The following FAR2 variants were observed in gnomAD, a reference collection of about 807,000 sequenced individuals.
FAR2 encodes the protein epididymis secretory protein Li 81.
Under a neutral mutation model 56.0 loss-of-function variants are expected in FAR2, and 19 were observed. That is an observed-to-expected ratio of 0.34 (90% CI 0.24 to 0.50). FAR2 has a LOEUF of 0.50. Ranked by LOEUF, FAR2 falls within the 20% of genes least tolerant of loss-of-function variation. The pLI is 0.98. For missense variants in FAR2, 508 were observed against 642.2 expected (o/e 0.79, Z 2.26); for synonymous variants, 219 against 218.8 (o/e 1.00, Z -0.01).
At position 29,257,643 on chromosome 12, in the gene FAR2, C is replaced by T. The variant is rs10771507; in HGVS notation, c.-38-12769C>T. On this transcript the variant is annotated intron_variant, in intron 1 of 11. Coordinates refer to ENST00000536681, the MANE Select transcript of FAR2 (RefSeq NM_001271783.2). ...GAAGCCAGCGAGACCACGAGCCCAC[C>T]GGGAGGAATGAACAACTCCAGACGC... is the stretch of plus-strand genomic sequence containing the variant. 4.6e-5 allele frequency among the ~76,000 whole-genome samples: 7 copies of T among 151,450 alleles called. No individual in the cohort carries two copies. The East Asian group carries it at 7.8e-4, about 17-fold the overall frequency.
At chr12:29,184,740 T>C (rs191351599) in intron 1 of FAR2, among the ~76,000 whole-genome samples, 10 of 152,270 alleles carry the variant, frequency 6.6e-5, no homozygotes, top group African/African-American at 2.4e-4. Context: ...CCCGGCCCCT[T>C]CATTCTTAAA....
intron 1 of FAR2, among the ~76,000 whole-genome samples, chr12:29,196,334 A>T (rs1950143417): frequency 6.6e-6 from 1 of 152,158 alleles, no homozygotes; most frequent in African/African-American, 2.4e-5. Flanking sequence ...TTTTCTCTGC[A>T]TCCTCACCAG....
intron 6 of FAR2, among the ~76,000 whole-genome samples, chr12:29,310,368 A>G (rs1181048538): frequency 6.6e-6 from 1 of 152,218 alleles, no homozygotes; most frequent in Admixed American, 6.5e-5. Flanking sequence ...AAGCACAAAG[A>G]ATCAATTTCA....
At chr12:29,331,525 C>G (rs1281293725) in intron 10 of FAR2, 1 of 152,110 alleles carries the variant, frequency 6.6e-6, no homozygotes, top group Non-Finnish European at 1.5e-5. Context: ...AGAGATGATA[C>G]CAGAATCTTC....
chr12:29,274,654 A>G (rs1948676345), intron 2 of FAR2, among the ~76,000 whole-genome samples: 1 of 151,870 alleles, frequency 6.6e-6, no homozygotes, highest in Non-Finnish European at 1.5e-5. Flanking sequence ...ATTCCACCAC[A>G]AAAGATGTGA....
chr12:29,286,850 G>A (rs1181962477), intron 2 of FAR2, among the ~76,000 whole-genome samples: 1 of 151,980 alleles, frequency 6.6e-6, no homozygotes, highest in Admixed American at 6.6e-5. Context: ...AATTCTCTGA[G>A]GTCACAGAAT....
intron 1 of FAR2, among the ~76,000 whole-genome samples, chr12:29,264,948 AAT>A (rs1775372391): frequency 6.6e-6 from 1 of 152,124 alleles, no homozygotes; most frequent in African/African-American, 2.4e-5. Flanking sequence ...TAAAAAATTA[AAT>A]ACCTACAAAT....
At chr12:29,226,625 A>G (rs1297858790) in intron 1 of FAR2, among the ~76,000 whole-genome samples, 1 of 152,184 alleles carries the variant, frequency 6.6e-6, no homozygotes, top group Non-Finnish European at 1.5e-5. Context: ...TGGGGTGGTC[A>G]TATATTTTAT....
At chr12:29,194,485 A>C (rs1369294563) in intron 1 of FAR2, among the ~76,000 whole-genome samples, 2 of 151,258 alleles carry the variant, frequency 1.3e-5, no homozygotes, top group Non-Finnish European at 2.9e-5. Flanking sequence ...ACAGACCTCC[A>C]TCCAAAATTT....
intron 10 of FAR2, among the ~76,000 whole-genome samples, chr12:29,329,110 C>T (rs1949693518): frequency 6.6e-6 from 1 of 152,064 alleles, no homozygotes; most frequent in Non-Finnish European, 1.5e-5. Context: ...AATCATTGCT[C>T]CCTCTCAAAG....
chr12:29,272,262 G>A (rs1269146226), intron 2 of FAR2, among the ~76,000 whole-genome samples: 1 of 152,044 alleles, frequency 6.6e-6, no homozygotes, highest in Non-Finnish European at 1.5e-5. Flanking sequence ...TCTCCTTCTG[G>A]TACTGCAATC....
At chr12:29,253,291 C>A (rs1425275248) in intron 1 of FAR2, among the ~76,000 whole-genome samples, 2 of 135,210 alleles carry the variant, frequency 1.5e-5, no homozygotes, top group African/African-American at 2.8e-5. Flanking sequence ...ATATCTATAT[C>A]TATCTAGATA....
chr12:29,323,206 G>A (rs1251995045), intron 10 of FAR2, among the ~76,000 whole-genome samples: 2 of 152,302 alleles, frequency 1.3e-5, no homozygotes, highest in South Asian at 2.1e-4. Flanking sequence ...GGGGAGGCAC[G>A]CCCGCCATTG....
Position 29,237,696 on chromosome 12 carries a change from C to A in FAR2, c.-38-32716C>A, listed in dbSNP as rs566306656. 5.9e-5 allele frequency among the ~76,000 whole-genome samples: 9 copies of A among 152,252 alleles called. No individual in the cohort carries two copies. In the South Asian group the frequency reaches 1.9e-3, roughly 32 times the overall value. ...CTATTGTTCAGATCTGGGTATTTGG[C>A]AGACATTTTCTCAAAATAAAGTATG... On this transcript the variant is annotated intron_variant, in intron 1 of 11. Transcript: ENST00000536681.
At position 29,331,173 on chromosome 12, in the gene FAR2, T is replaced by G. The variant is rs570875620; in HGVS notation, c.1258-1427T>G. ...GTAAGTTAAGAGTAACGAGCAACTT[T>G]CTTTCACTGTACGTGAAACTCTCCA... is the stretch of plus-strand genomic sequence containing the variant. On this transcript the variant is annotated intron_variant, in intron 10 of 11. Transcript: ENST00000536681. Among the ~76,000 whole-genome samples the G allele has an allele frequency of 1.8e-3, 273 of 151,912 alleles. 2 individuals are homozygous for G. The highest frequency in any genetic ancestry group is 6.4e-3 in the African/African-American group (266 of 41,446).
At chr12:29,302,820 A>G (rs934089823) in intron 4 of FAR2, among the ~76,000 whole-genome samples, 2 of 152,098 alleles carry the variant, frequency 1.3e-5, no homozygotes, top group Admixed American at 1.3e-4. Context: ...ACCCATTACC[A>G]GAGAGGAGTA....
At chr12:29,310,908 T>C in intron 6 of FAR2, 120 bp from the exon 7 acceptor site, 1 of 744,622 alleles carries the variant, frequency 1.3e-6, no homozygotes, top group South Asian at 1.6e-5. Context: ...TGGTAAGCAG[T>C]GGATCAATGT....
intron 1 of FAR2, among the ~76,000 whole-genome samples, chr12:29,191,945 A>G (rs1950106204): frequency 6.6e-6 from 1 of 152,056 alleles, no homozygotes; most frequent in Admixed American, 6.5e-5. Flanking sequence ...AAATTCTTGT[A>G]TAGAGACTAC....
At chr12:29,164,146 A>G (rs1949805097) in intron 1 of FAR2, among the ~76,000 whole-genome samples, 1 of 152,190 alleles carries the variant, frequency 6.6e-6, no homozygotes, top group Admixed American at 6.5e-5. Flanking sequence ...CCTTATTATT[A>G]AGGCCATTTA....
Sources: allele counts gnomAD v4.1 joint callset (sites outside exome capture counted in the v4.1 genomes callset), GRCh38; gene constraint gnomAD v4.1.1; transcripts MANE v1.5; gene names NCBI Gene and HGNC (gene_info 2026-07-23, HGNC 2026-07-21).